The following DLEU7 variants were observed in gnomAD, a reference collection of about 807,000 sequenced individuals.
The protein encoded by DLEU7 is deleted in lymphocytic leukemia 7, also known as leukemia-associated protein 7.
In DLEU7, 17 loss-of-function variants were observed where a neutral mutation model predicts 16.0. The ratio of observed to expected loss-of-function variants is 1.06; its 90% CI spans 0.73 to 1.59. DLEU7 has a LOEUF of 1.59. Ranked by LOEUF, DLEU7 falls within the 40% of genes most tolerant of loss-of-function variation. DLEU7 has a pLI of 0.00. For missense variants in DLEU7, 308 were observed against 314.9 expected (o/e 0.98, Z 0.17); for synonymous variants, 113 against 139.8 (o/e 0.81, Z 1.35).
At position 50,799,711 on chromosome 13, in the gene DLEU7, CTAT is replaced by C. The variant is rs574075438; in HGVS notation, c.459+43474_459+43476del. On this transcript the variant is annotated intron_variant, in intron 1 of 1. Coordinates refer to the DLEU7 transcript ENST00000400393. ...TACAAAATATCTTTTCCTCTCTTCA[CTAT>C]TATGGAAGGGAGTGGTATTATATTA... 3.2e-3 allele frequency among the ~76,000 whole-genome samples: 483 copies of C among 152,302 alleles called. 1 individual carries two copies. Among genetic ancestry groups the C allele is most frequent in the African/African-American group, 0.011 (461 of 41,568 alleles).
intron 1 of DLEU7, among the ~76,000 whole-genome samples, chr13:50,729,078 G>C (rs1242242329): frequency 7.2e-5 from 11 of 151,954 alleles, no homozygotes; most frequent in Non-Finnish European, 1.5e-4. Context: ...TTGTCACGTA[G>C]GTACATTGGT....
intron 1 of DLEU7, among the ~76,000 whole-genome samples, chr13:50,840,904 G>A (rs567843781): frequency 1.2e-3 from 177 of 152,236 alleles, no homozygotes; most frequent in African/African-American, 3.8e-3. Flanking sequence ...AGGTGTGAGC[G>A]GGTTGAGGTT....
At chr13:50,804,202 G>A (rs1275483115) in intron 1 of DLEU7, among the ~76,000 whole-genome samples, 1 of 151,520 alleles carries the variant, frequency 6.6e-6, no homozygotes, top group Non-Finnish European at 1.5e-5. Context: ...ATTCCTGCTT[G>A]TTTTTTTCCT....
chr13:50,788,702 C>T (rs1023625968), intron 1 of DLEU7, among the ~76,000 whole-genome samples: 3 of 152,160 alleles, frequency 2.0e-5, no homozygotes, highest in African/African-American at 4.8e-5. Flanking sequence ...CAAGGGCCCT[C>T]GCCTGGGATG....
Position 50,843,327 on chromosome 13 carries a change from C to G in DLEU7, c.320G>C (p.Arg107Pro), listed in dbSNP as rs779013550. The stretch of plus-strand genomic sequence containing the variant: ...CATCTGGGCCAGGGTGCAGGGCCCG[C>G]GGTCCCGGGGGAAGGGCAGCAACTC... ...GAELLPFPRD[R>P]GPCTLAQMAM... The change falls in exon 1 of 2, where the codon CGC becomes CCC. Residue 107 changes from arginine to proline, a missense_variant. Transcript: ENST00000504404. The surrounding 1 kb of genome is among the most constrained non-coding windows in gnomAD (Gnocchi z 5.7). 6.7e-7 allele frequency: 1 copy of G among 1,497,382 alleles called. No homozygotes were observed. The highest frequency in any genetic ancestry group is 8.9e-7 in the Non-Finnish European group (1 of 1,123,872). 92.8% of individuals were successfully genotyped at this position (1,497,382 alleles called of 1,614,324 possible).
In DLEU7 at chr13:50,721,007, G is replaced by C. The variant is rs144305625; in HGVS notation, c.460-7767C>G. Among the ~76,000 whole-genome samples the C allele has an allele frequency of 2.6e-3, 400 of 152,290 alleles. 1 individual carries two copies. Among genetic ancestry groups the C allele is most frequent in the African/African-American group, 9.3e-3 (385 of 41,566 alleles). On this transcript the variant is annotated intron_variant, in intron 1 of 1. Coordinates refer to the DLEU7 transcript ENST00000400393. ...GGTGTGTCTAAGGGTGTTGCCAAAG[G>C]AGATTAACATCTGAGTCAGTGGACT...
intron 1 of DLEU7, among the ~76,000 whole-genome samples, chr13:50,836,238 C>G (rs935764453): frequency 3.9e-5 from 6 of 152,212 alleles, no homozygotes; most frequent in African/African-American, 1.4e-4. Flanking sequence ...ATTTCCCCCT[C>G]TAGCTCTCCC....
intron 1 of DLEU7, among the ~76,000 whole-genome samples, chr13:50,735,366 A>G (rs1372621370): frequency 6.6e-6 from 1 of 152,192 alleles, no homozygotes; most frequent in Non-Finnish European, 1.5e-5. Flanking sequence ...TCAAGAGTAC[A>G]TGTTCACCAA....
intron 1 of DLEU7, among the ~76,000 whole-genome samples, chr13:50,797,130 G>A (rs1422152209): frequency 6.6e-6 from 1 of 152,178 alleles, no homozygotes; most frequent in African/African-American, 2.4e-5. Flanking sequence ...GATGGAGTTG[G>A]TTGTTCTGGG....
chr13:50,841,213 A>G (rs986425807), intron 1 of DLEU7, among the ~76,000 whole-genome samples: 1 of 152,104 alleles, frequency 6.6e-6, no homozygotes, highest in East Asian at 1.9e-4. Flanking sequence ...GGTCCTCAGC[A>G]TGACACACAG....
intron 1 of DLEU7, among the ~76,000 whole-genome samples, chr13:50,731,627 C>A (rs1203635956): frequency 6.6e-6 from 1 of 152,144 alleles, no homozygotes; most frequent in African/African-American, 2.4e-5. Context: ...CAAGCCCAGG[C>A]AAGTCTACAA....
intron 1 of DLEU7, among the ~76,000 whole-genome samples, chr13:50,762,846 A>C (rs1035110552): frequency 6.6e-6 from 1 of 151,884 alleles, no homozygotes; most frequent in African/African-American, 2.4e-5. Context: ...AGATTACAAA[A>C]AGTCCCCCTG....
intron 1 of DLEU7, among the ~76,000 whole-genome samples, chr13:50,770,627 T>G (rs1481469966): frequency 1.3e-5 from 2 of 152,238 alleles, no homozygotes; most frequent in Non-Finnish European, 2.9e-5. Flanking sequence ...GAAGCCAACT[T>G]GATCGTGGTG....
intron 1 of DLEU7, among the ~76,000 whole-genome samples, chr13:50,721,234 C>T (rs944661081): frequency 5.9e-5 from 9 of 152,170 alleles, no homozygotes; most frequent in Non-Finnish European, 1.3e-4. Context: ...GCACTTAGAC[C>T]AGTGGTTTGC....
chr13:50,762,803 A>G (rs1233930903), intron 1 of DLEU7, among the ~76,000 whole-genome samples: 32 of 142,900 alleles, frequency 2.2e-4, no homozygotes, highest in Non-Finnish European at 3.4e-4. Flanking sequence ...TGTGCTAGAA[A>G]AAAAAAAAAA....
chr13:50,806,502 A>T (rs1197722455), intron 1 of DLEU7, among the ~76,000 whole-genome samples: 9 of 152,128 alleles, frequency 5.9e-5, no homozygotes, highest in Non-Finnish European at 1.3e-4. Context: ...AAAAACATGT[A>T]TTAGTAAGGA....
downstream of DLEU7, among the ~76,000 whole-genome samples, chr13:50,821,331 G>T (rs1318801466): frequency 6.6e-6 from 1 of 152,054 alleles, no homozygotes; most frequent in Non-Finnish European, 1.5e-5. Context: ...AGCATGGGGT[G>T]GGGGAGGGGT....
intron 1 of DLEU7, among the ~76,000 whole-genome samples, chr13:50,765,087 T>G (rs781713496): frequency 1.1e-4 from 17 of 152,162 alleles, no homozygotes; most frequent in Non-Finnish European, 1.9e-4. Flanking sequence ...TTCACCTTGT[T>G]GGCCAGGCTG....
At chr13:50,743,730 A>G (rs530880275) in intron 1 of DLEU7, among the ~76,000 whole-genome samples, 3 of 152,326 alleles carry the variant, frequency 2.0e-5, no homozygotes, top group Non-Finnish European at 2.9e-5. Context: ...CATGCATTAT[A>G]CTTCCTTTCT....
Sources: gnomAD v4.1 joint callset for allele counts (sites outside exome capture counted in the v4.1 genomes callset) on GRCh38, gnomAD v4.1.1 for gene constraint, Gnocchi (gnomAD v3.1) non-coding constraint, MANE v1.5 for transcripts, NCBI Gene and HGNC (gene_info 2026-07-23, HGNC 2026-07-21) for gene names.